MAP3K19: variants seen among roughly 807,000 people sequenced by gnomAD.
The protein encoded by MAP3K19 is mitogen-activated protein kinase kinase kinase 19, also known as SPS1/STE20-related protein kinase YSK4.
In MAP3K19, 91 loss-of-function variants were observed where a neutral mutation model predicts 114.4. That is an observed-to-expected ratio of 0.80 (90% CI 0.67 to 0.95). The LOEUF (loss-of-function observed/expected upper bound fraction) is 0.95, where lower values mean the gene tolerates loss of function less well. Ranked by LOEUF, MAP3K19 falls within the 40% of genes least tolerant of loss-of-function variation. The pLI is 0.00. For synonymous variants in MAP3K19, 518 were observed against 530.5 expected (o/e 0.98, Z 0.32); for missense variants, 1,471 against 1,573.2 (o/e 0.94, Z 1.10).
At chr2:134,966,645 C>T (rs111298599) in intron 12 of MAP3K19, among the ~76,000 whole-genome samples, 4,035 of 152,272 alleles carry the variant, frequency 0.026, 171 homozygotes, top group African/African-American at 0.09. Context: ...TAATGAGGAG[C>T]TCTGTGCCTT....
chr2:135,032,356 GAAAAAAA>G (rs760579264), intron 2 of MAP3K19, among the ~76,000 whole-genome samples: 5 of 72,216 alleles, frequency 6.9e-5, no homozygotes, highest in Non-Finnish European at 1.3e-4. Context: ...GACTCTGTCT[GAAAAAAA>G]AAAAAAAAAA....
At chr2:134,982,105 TTTTC>T (rs1194945092) in intron 11 of MAP3K19, among the ~76,000 whole-genome samples, 101 of 144,458 alleles carry the variant, frequency 7.0e-4, no homozygotes, top group Non-Finnish European at 1.2e-3. Context: ...CGTGCTACCT[TTTTC>T]TTTCTTTTTT....
In MAP3K19 at chr2:134,986,389, T is replaced by A. The variant is rs1685107561; in HGVS notation, c.2483A>T (p.Gln828Leu). Residue 828 changes from glutamine to leucine, a missense_variant, in exon 10 of 13, where the codon CAA becomes CTA. Gln to Leu is a moderately radical substitution (Grantham distance 113). Transcript: ENST00000392915. ...ATCTCTGAGGCTTGTGGTGAGTATT[T>A]GATTGTTAGAAATGTCTCTATCACC... ...STGDRDISNN[Q>L]ILTTSLRDLQ... is the part of the protein sequence containing the mutation. 1 of 1,613,822 alleles carries A rather than the reference T, an allele frequency of 6.2e-7. No individual in the cohort carries two copies. The highest frequency in any genetic ancestry group is 1.3e-5 in the African/African-American group (1 of 74,930).
At chr2:134,972,304 TTTAA>T (rs1481281395) in intron 12 of MAP3K19, among the ~76,000 whole-genome samples, 8 of 152,132 alleles carry the variant, frequency 5.3e-5, no homozygotes, top group African/African-American at 1.9e-4. Context: ...TGTTAATGAA[TTTAA>T]TTGTTTTTAT....
At chr2:135,025,354 C>T (rs1688211332) in intron 3 of MAP3K19, among the ~76,000 whole-genome samples, 1 of 147,290 alleles carries the variant, frequency 6.8e-6, no homozygotes, top group Non-Finnish European at 1.5e-5. Flanking sequence ...CAAAGTGTGC[C>T]TCTCCACATG....
At position 134,995,316 on chromosome 2, in the gene MAP3K19, C is replaced by CAAA. The variant is rs1216574455; in HGVS notation, c.574+3419_574+3421dup. On this transcript the variant is annotated intron_variant, in intron 8 of 12. Transcript: ENST00000392915. ...TGGGTGACAGAGTCAGACTCTGTCT[C>CAAA]AAAAAAAAAAAAAAAAAGTAAGGAA... 0.033 allele frequency among the ~76,000 whole-genome samples: 3,093 copies of CAAA among 93,302 alleles called. 308 individuals are homozygous for CAAA. In the East Asian group the frequency reaches 0.39, roughly 12 times the overall value. The allele number at this position is 93,302 out of a possible 152,430, so 61.2% of individuals were successfully genotyped here.
chr2:134,977,670 A>C (rs1191201825), intron 12 of MAP3K19, among the ~76,000 whole-genome samples: 1 of 151,510 alleles, frequency 6.6e-6, no homozygotes, highest in Non-Finnish European at 1.5e-5. Context: ...CTAATTTTTA[A>C]ATTTTTTGTA....
chr2:135,023,898 G>GA (rs57745705), intron 4 of MAP3K19, among the ~76,000 whole-genome samples: 9,194 of 148,046 alleles, frequency 0.062, 537 homozygotes, highest in African/African-American at 0.16. Context: ...CTGTTTTATT[G>GA]AAAAAAAAAA....
chr2:134,984,900 C>G (rs1221980153), intron 10 of MAP3K19, among the ~76,000 whole-genome samples: 1 of 152,104 alleles, frequency 6.6e-6, no homozygotes, highest in Non-Finnish European at 1.5e-5. Context: ...TGCAGCAAGC[C>G]GAGATCGCAG....
intron 2 of MAP3K19, among the ~76,000 whole-genome samples, chr2:135,038,415 G>T (rs963165893): frequency 2.0e-5 from 3 of 151,952 alleles, no homozygotes; most frequent in Non-Finnish European, 2.9e-5. Flanking sequence ...GGGATTACAG[G>T]CCTGAGCCAC....
rs993399070 is a variant in MAP3K19, at chr2:135,031,725, C to A, written c.-283-1225G>T. Among the ~76,000 whole-genome samples the A allele has an allele frequency of 2.6e-5, 4 of 152,128 alleles. No homozygotes were observed. The South Asian group carries it at 6.2e-4, about 24-fold the overall frequency. On this transcript the variant is annotated intron_variant, in intron 2 of 12. Coordinates refer to ENST00000392915, the MANE Select transcript of MAP3K19 (RefSeq NM_025052.5). ...TCATGGAGAGACGACAGCGACTGAA[C>A]AAGAGAAATGGTAGTGGAGATTTAG...
rs1684879027 is a variant in MAP3K19, at chr2:134,983,712, G to C, written c.3186C>G (p.Thr1062=). The change falls in exon 11 of 13, where the codon ACC becomes ACG. Residue 1062 remains threonine (T), a synonymous_variant. Coordinates refer to ENST00000392915, the MANE Select transcript of MAP3K19 (RefSeq NM_025052.5). ...SLKSEEPILW[T]KGEILGKGAY... is the part of the protein sequence containing the mutation. ...CTCCCTTTCCAAGAATCTCACCCTT[G>C]GTCCATAGGATAGGTTCTTCAGACT... The C allele has an allele frequency of 1.3e-6, 2 of 1,586,458 alleles. No homozygotes were observed. Among genetic ancestry groups the C allele is most frequent in the South Asian group, 2.3e-5 (2 of 85,672 alleles).
intron 3 of MAP3K19, among the ~76,000 whole-genome samples, chr2:135,028,600 G>C (rs1368056092): frequency 2.6e-5 from 4 of 151,864 alleles, no homozygotes; most frequent in African/African-American, 9.7e-5. Context: ...TAACTTACCT[G>C]TATTTACATA....
chr2:134,967,864 T>A (rs183775217), intron 12 of MAP3K19, among the ~76,000 whole-genome samples: 329 of 151,992 alleles, frequency 2.2e-3, no homozygotes, highest in African/African-American at 7.5e-3. Flanking sequence ...TTTCTTTTTT[T>A]TTTTTTTATT....
chr2:135,044,375 G>A (rs1232286288), intron 1 of MAP3K19, among the ~76,000 whole-genome samples: 1 of 152,164 alleles, frequency 6.6e-6, no homozygotes, highest in Non-Finnish European at 1.5e-5. Flanking sequence ...TGGATCACCC[G>A]AGGTCAGGAG....
At chr2:135,006,039 G>A (rs1686789281) in intron 5 of MAP3K19, among the ~76,000 whole-genome samples, 2 of 152,118 alleles carry the variant, frequency 1.3e-5, no homozygotes, top group African/African-American at 4.8e-5. Context: ...TCCCTATGAC[G>A]GCGTTCTGAT....
chr2:134,965,049 T>C, intron 12 of MAP3K19, 133 bp from the exon 13 acceptor site: 2 of 624,206 alleles, frequency 3.2e-6, no homozygotes, highest in South Asian at 2.2e-5. Flanking sequence ...TTGAGTCCAG[T>C]CTCCAATTTT....
intron 12 of MAP3K19, among the ~76,000 whole-genome samples, chr2:134,977,047 G>GA (rs369837575): frequency 0.02 from 2,348 of 116,116 alleles, 45 homozygotes; most frequent in African/African-American, 0.056. Context: ...CTCCGTCTCG[G>GA]AAAAAAAAAA....
chr2:135,031,315 G>A (rs1308533986), intron 2 of MAP3K19, among the ~76,000 whole-genome samples: 2 of 152,170 alleles, frequency 1.3e-5, no homozygotes, highest in Admixed American at 6.5e-5. Context: ...GCTGAGACCT[G>A]AGGAATCAGA....
Sources: allele counts gnomAD v4.1 joint callset (sites outside exome capture counted in the v4.1 genomes callset), GRCh38; gene constraint gnomAD v4.1.1; transcripts MANE v1.5; gene names NCBI Gene and HGNC (gene_info 2026-07-23, HGNC 2026-07-21).